The following ADRA1A variants were observed in gnomAD, a reference collection of about 807,000 sequenced individuals.
The protein encoded by ADRA1A is alpha-1A adrenergic receptor.
ADRA1A carries 31 observed loss-of-function variants against 29.6 expected under a neutral mutation model. That is an observed-to-expected ratio of 1.05 (90% CI 0.79 to 1.41). The LOEUF is 1.41. ADRA1A is among the 40% of genes most tolerant of loss of function. The pLI is 0.00. For synonymous variants in ADRA1A, 311 were observed against 254.3 expected (o/e 1.22, Z -2.12); for missense variants, 619 against 601.1 (o/e 1.03, Z -0.31).
chr8:26,804,049 G>A (rs1443667539), intron 2 of ADRA1A, among the ~76,000 whole-genome samples: 1 of 147,564 alleles, frequency 6.8e-6, no homozygotes, highest in Non-Finnish European at 1.5e-5. Flanking sequence ...AGCATCCCAA[G>A]TAGCTGAGGC....
intron 2 of ADRA1A, chr8:26,854,081 AAGG>A (rs1294834398): frequency 6.6e-6 from 1 of 151,994 alleles, no homozygotes; most frequent in African/African-American, 2.4e-5. Flanking sequence ...CCACTCTGGA[AAGG>A]AGGAGGAGTG....
intron 2 of ADRA1A, among the ~76,000 whole-genome samples, chr8:26,802,094 G>C (rs12681864): frequency 0.1 from 15,829 of 152,006 alleles, 1,327 homozygotes; most frequent in East Asian, 0.33. Context: ...AAAATCAAAT[G>C]AAAGTTGATT....
intron 2 of ADRA1A, among the ~76,000 whole-genome samples, chr8:26,794,712 A>C (rs562369948): frequency 2.0e-5 from 3 of 152,242 alleles, no homozygotes; most frequent in East Asian, 1.9e-4. Flanking sequence ...GGCAGGTTGG[A>C]TTTGACCTAT....
chr8:26,850,845 TA>T (rs897756365), intron 2 of ADRA1A, among the ~76,000 whole-genome samples: 1 of 152,192 alleles, frequency 6.6e-6, no homozygotes, highest in Non-Finnish European at 1.5e-5. Context: ...TCTTCTCTAA[TA>T]TAATAATAAA....
intron 2 of ADRA1A, among the ~76,000 whole-genome samples, chr8:26,799,785 A>G (rs905565980): frequency 6.6e-6 from 1 of 152,214 alleles, no homozygotes; most frequent in Non-Finnish European, 1.5e-5. Flanking sequence ...AGTAAATTAA[A>G]CAAACTAAAT....
chr8:26,839,118 AG>A (rs1187016023), intron 2 of ADRA1A, among the ~76,000 whole-genome samples: 23 of 152,228 alleles, frequency 1.5e-4, no homozygotes, highest in African/African-American at 5.5e-4. Context: ...GAAAGTAATA[AG>A]GGTGCTAGTT....
At chr8:26,780,213 C>G (rs746966962) in intron 2 of ADRA1A, among the ~76,000 whole-genome samples, 1 of 152,130 alleles carries the variant, frequency 6.6e-6, no homozygotes, top group Non-Finnish European at 1.5e-5. Context: ...TCAGGCCAGG[C>G]ACTTCCATAG....
At chr8:26,792,005 T>A (rs986527077) in intron 2 of ADRA1A, among the ~76,000 whole-genome samples, 2 of 152,192 alleles carry the variant, frequency 1.3e-5, no homozygotes, top group South Asian at 2.1e-4. Flanking sequence ...GTTTCACTTA[T>A]GAAATGTAAT....
intron 2 of ADRA1A, among the ~76,000 whole-genome samples, chr8:26,781,493 C>T (rs1268469738): frequency 2.0e-5 from 3 of 152,218 alleles, no homozygotes; most frequent in Non-Finnish European, 4.4e-5. Context: ...TTACTCACAG[C>T]TGGAGATAGA....
chr8:26,814,299 A>G lies in ADRA1A; in HGVS notation c.884-43633T>C, dbSNP rs998100874. On this transcript the variant is annotated intron_variant, in intron 2 of 2. Transcript: ENST00000380573. ...TGCTCTGTCGCCCAGGCTGGAGTGC[A>G]GTGATATGATCATAGATTACTCCAG... Among the ~76,000 whole-genome samples, 13 of 152,228 alleles carry G rather than the reference A, an allele frequency of 8.5e-5. No individual in the cohort carries two copies. The East Asian group carries it at 2.5e-3, about 29-fold the overall frequency.
intron 2 of ADRA1A, among the ~76,000 whole-genome samples, chr8:26,846,662 C>T (rs1812226808): frequency 6.6e-6 from 1 of 152,174 alleles, no homozygotes; most frequent in African/African-American, 2.4e-5. Context: ...ATCCCACCCA[C>T]TTAAGAGGCT....
rs371419137 is a variant in ADRA1A, at chr8:26,814,180, A to G, written c.884-43514T>C. Among the ~76,000 whole-genome samples, 12 of 143,720 alleles carry G rather than the reference A, an allele frequency of 8.3e-5. No homozygotes were observed. The South Asian group carries it at 9.9e-4, about 12-fold the overall frequency. The allele number at this position is 143,720 out of a possible 152,430, so 94.3% of individuals were successfully genotyped here. A position where few individuals can be genotyped will look rare whatever the true frequency, so the allele number is the denominator to read the frequency against. On this transcript the variant is annotated intron_variant, in intron 2 of 2. Transcript: ENST00000380573. ...TAAAGGAGTGGTTTTAGTGATTACT[A>G]TCTCCTATGGTGAAAAAAAAAAACA...
downstream of ADRA1A, among the ~76,000 whole-genome samples, chr8:26,755,194 CTT>C (rs34376542): frequency 0.047 from 6,846 of 145,592 alleles, 329 homozygotes; most frequent in African/African-American, 0.12. Flanking sequence ...AATAGACCTC[CTT>C]TTTTTTTTTT....
chr8:26,801,494 T>G (rs116928135), intron 2 of ADRA1A, among the ~76,000 whole-genome samples: 3,909 of 152,182 alleles, frequency 0.026, 76 homozygotes, highest in Middle Eastern at 0.061. Flanking sequence ...AAAAGATATT[T>G]AAAAAGTAAT....
chr8:26,756,447 T>C, exon 3 of ADRA1A: 1 of 1,425,070 alleles, frequency 7.0e-7, no homozygotes, highest in Non-Finnish European at 9.2e-7. Context: ...AAGAATGAAA[T>C]GGGGGAGGGA....
chr8:26,811,223 C>T (rs1272920640), intron 2 of ADRA1A, among the ~76,000 whole-genome samples: 1 of 149,886 alleles, frequency 6.7e-6, no homozygotes, highest in African/African-American at 2.5e-5. Context: ...GACGGAGTCT[C>T]GCTCTGTCGC....
intron 2 of ADRA1A, among the ~76,000 whole-genome samples, chr8:26,812,568 T>G (rs1040967640): frequency 5.9e-5 from 9 of 151,996 alleles, no homozygotes; most frequent in Non-Finnish European, 1.2e-4. Flanking sequence ...AAATCATAAA[T>G]GAGCATCTTT....
intron 2 of ADRA1A, among the ~76,000 whole-genome samples, chr8:26,824,733 TGAAAA>T (rs1053855643): frequency 5.3e-5 from 8 of 152,022 alleles, no homozygotes; most frequent in Non-Finnish European, 8.8e-5. Flanking sequence ...CCTAGGGAAG[TGAAAA>T]GAAAAGAAAA....
At chr8:26,792,837 C>A (rs1331395075) in intron 2 of ADRA1A, among the ~76,000 whole-genome samples, 1 of 148,450 alleles carries the variant, frequency 6.7e-6, no homozygotes, top group South Asian at 2.2e-4. Flanking sequence ...CCATGCTCAC[C>A]CTTTCATGAG....
Sources: gnomAD v4.1 joint callset for allele counts (sites outside exome capture counted in the v4.1 genomes callset) on GRCh38, gnomAD v4.1.1 for gene constraint, MANE v1.5 for transcripts, NCBI Gene and HGNC (gene_info 2026-07-23, HGNC 2026-07-21) for gene names.